HECW2: variants seen among roughly 807,000 people sequenced by gnomAD.
HECW2 encodes E3 ubiquitin-protein ligase HECW2.
In HECW2, 61 loss-of-function variants were observed where a neutral mutation model predicts 175.2. The ratio of observed to expected loss-of-function variants is 0.35; its 90% CI spans 0.28 to 0.43. HECW2 has a LOEUF of 0.43. HECW2 is among the 20% of genes least tolerant of loss of function. The pLI is 1.00. For missense variants in HECW2, 1,524 were observed against 2,000.5 expected (o/e 0.76, Z 4.54); for synonymous variants, 671 against 731.0 (o/e 0.92, Z 1.32).
chr2:196,329,335 T>C (rs1692269954), intron 5 of HECW2, among the ~76,000 whole-genome samples: 2 of 152,194 alleles, frequency 1.3e-5, no homozygotes, highest in South Asian at 4.1e-4. Context: ...GAAGTAACTA[T>C]ACATAGTTAT....
At chr2:196,509,114 TG>T (rs1177913739) in intron 1 of HECW2, among the ~76,000 whole-genome samples, 1 of 151,986 alleles carries the variant, frequency 6.6e-6, no homozygotes, top group Non-Finnish European at 1.5e-5. Flanking sequence ...AATAGGATTG[TG>T]GGTTTTTTTT....
intron 13 of HECW2, among the ~76,000 whole-genome samples, chr2:196,303,949 C>A (rs534355238): frequency 6.6e-6 from 1 of 152,140 alleles, no homozygotes; most frequent in African/African-American, 2.4e-5. Context: ...CTGCTAACTG[C>A]GTTAGCCCAA....
intron 2 of HECW2, among the ~76,000 whole-genome samples, chr2:196,360,619 A>C (rs1693554839): frequency 6.6e-6 from 1 of 152,198 alleles, no homozygotes; most frequent in Non-Finnish European, 1.5e-5. Flanking sequence ...GAGTGACAAA[A>C]TAATCTCTTC....
intron 2 of HECW2, among the ~76,000 whole-genome samples, chr2:196,358,585 C>CAAAAAAAAAAAAAA (rs144181608): frequency 8.9e-5 from 6 of 67,354 alleles, no homozygotes; most frequent in African/African-American, 3.8e-4. Context: ...GACTCTGTCT[C>CAAAAAAAAAAAAAA]AAAAAAAAAA....
intron 2 of HECW2, among the ~76,000 whole-genome samples, chr2:196,400,817 A>C (rs1694797420): frequency 7.2e-6 from 1 of 138,856 alleles, no homozygotes; most frequent in Admixed American, 6.9e-5. Context: ...TTCCCACAAA[A>C]TGCAAAAAAA....
chr2:196,428,146 T>G (rs1016597333), intron 2 of HECW2, among the ~76,000 whole-genome samples: 1 of 152,122 alleles, frequency 6.6e-6, no homozygotes, highest in Non-Finnish European at 1.5e-5. Flanking sequence ...AAGCCACACC[T>G]CGTCAGCTTG....
intron 13 of HECW2, among the ~76,000 whole-genome samples, chr2:196,303,429 G>A (rs899121688): frequency 6.6e-6 from 1 of 152,196 alleles, no homozygotes; most frequent in South Asian, 2.1e-4. Flanking sequence ...CATAGAATGA[G>A]TTAGGGAGGA....
At chr2:196,542,318 A>G (rs1206561861) in intron 1 of HECW2, among the ~76,000 whole-genome samples, 5 of 151,930 alleles carry the variant, frequency 3.3e-5, no homozygotes, top group Non-Finnish European at 5.9e-5. Flanking sequence ...TACGGTAAAC[A>G]AGAGAGAAGA....
intron 2 of HECW2, among the ~76,000 whole-genome samples, chr2:196,425,761 G>C (rs755780329): frequency 8.5e-5 from 13 of 152,078 alleles, no homozygotes; most frequent in Non-Finnish European, 1.6e-4. Flanking sequence ...TCCTGATAAA[G>C]AAGCTGTGAA....
At chr2:196,284,716 A>G (rs1690316976) in intron 14 of HECW2, among the ~76,000 whole-genome samples, 1 of 152,254 alleles carries the variant, frequency 6.6e-6, no homozygotes, top group Non-Finnish European at 1.5e-5. Context: ...ACCTAGTTCA[A>G]GCCAGCAATG....
intron 1 of HECW2, among the ~76,000 whole-genome samples, chr2:196,581,513 G>A (rs769303814): frequency 6.6e-6 from 1 of 151,984 alleles, no homozygotes; most frequent in Admixed American, 6.6e-5. Flanking sequence ...CAGCCTGGAC[G>A]ATACAGTGAG....
intron 17 of HECW2, among the ~76,000 whole-genome samples, chr2:196,266,960 G>A (rs1689541820): frequency 6.6e-6 from 1 of 152,152 alleles, no homozygotes; most frequent in South Asian, 2.1e-4. Context: ...TTGTGGTTCA[G>A]AATTTCTTGA....
intron 28 of HECW2, among the ~76,000 whole-genome samples, chr2:196,203,365 G>A (rs1390768143): frequency 6.6e-6 from 1 of 152,116 alleles, no homozygotes; most frequent in East Asian, 1.9e-4. Flanking sequence ...CTACACTAGA[G>A]TCCTAGCAGT....
intron 1 of HECW2, among the ~76,000 whole-genome samples, chr2:196,466,356 C>T (rs1033831721): frequency 6.6e-6 from 1 of 152,152 alleles, no homozygotes; most frequent in East Asian, 1.9e-4. Context: ...CCAAATATTT[C>T]CCTCTCCAAA....
chr2:196,425,757 T>C (rs886126768), intron 2 of HECW2, among the ~76,000 whole-genome samples: 1 of 152,114 alleles, frequency 6.6e-6, no homozygotes, highest in African/African-American at 2.4e-5. Flanking sequence ...CTACTCCTGA[T>C]AAAGAAGCTG....
chr2:196,562,973 G>A (rs1243627532), intron 1 of HECW2, among the ~76,000 whole-genome samples: 1 of 152,256 alleles, frequency 6.6e-6, no homozygotes, highest in South Asian at 2.1e-4. Context: ...AGCCTGGGAG[G>A]TTGAGGCTGC....
chr2:196,422,763 GA>G (rs1490256968), intron 2 of HECW2, among the ~76,000 whole-genome samples: 1 of 151,988 alleles, frequency 6.6e-6, no homozygotes, highest in Non-Finnish European at 1.5e-5. Flanking sequence ...TTAAAAATAT[GA>G]CCTAAAACAA....
At chr2:196,231,260 G>A (rs560548765) in intron 21 of HECW2, among the ~76,000 whole-genome samples, 36 of 152,228 alleles carry the variant, frequency 2.4e-4, no homozygotes, top group South Asian at 4.1e-4. Flanking sequence ...TTATAGAGAC[G>A]ACTAAGGCCG....
chr2:196,303,058 T>C (rs1691125692), intron 13 of HECW2, among the ~76,000 whole-genome samples: 1 of 152,190 alleles, frequency 6.6e-6, no homozygotes, highest in African/African-American at 2.4e-5. Flanking sequence ...GTTTGCCATA[T>C]ATGGCTCTTA....
Sources: gnomAD v4.1 joint callset for allele counts (sites outside exome capture counted in the v4.1 genomes callset) on GRCh38, gnomAD v4.1.1 for gene constraint, MANE v1.5 for transcripts, NCBI Gene and HGNC (gene_info 2026-07-23, HGNC 2026-07-21) for gene names.